VPS37A: variants seen among roughly 807,000 people sequenced by gnomAD.
VPS37A encodes the protein vacuolar protein sorting-associated protein 37A.
In VPS37A, 30 loss-of-function variants were observed where a neutral mutation model predicts 49.8. That is an observed-to-expected ratio of 0.60 (90% CI 0.45 to 0.82). VPS37A has a LOEUF of 0.82. Among genes scored for constraint, VPS37A ranks in the 40% least tolerant of loss-of-function variants. The pLI is 0.00. For missense variants in VPS37A, 593 were observed against 464.4 expected (o/e 1.28, Z -2.55); for synonymous variants, 195 against 160.6 (o/e 1.21, Z -1.62).
intron 11 of VPS37A, among the ~76,000 whole-genome samples, chr8:17,292,334 A>G (rs1238937435): frequency 6.6e-6 from 1 of 151,894 alleles, no homozygotes; most frequent in Non-Finnish European, 1.5e-5. Context: ...ATCTTCCTCC[A>G]TCCCTTTATT....
chr8:17,250,246 A>G (rs1811848229), intron 1 of VPS37A, among the ~76,000 whole-genome samples: 1 of 152,158 alleles, frequency 6.6e-6, no homozygotes, highest in South Asian at 2.1e-4. Context: ...CCTTTAATTC[A>G]AAGTAATCAG....
chr8:17,300,437 C>T (rs2150455819), downstream of VPS37A, among the ~76,000 whole-genome samples: 1 of 152,288 alleles, frequency 6.6e-6, no homozygotes, highest in Admixed American at 6.5e-5. Context: ...CCTGCCTTGA[C>T]ATAGGTTTTC....
At chr8:17,269,090 C>T in intron 4 of VPS37A, 134 bp downstream of exon 4, 1 of 621,398 alleles carries the variant, frequency 1.6e-6, no homozygotes. Flanking sequence ...TCCATACTTT[C>T]AGAGGCAACT....
At chr8:17,277,543 A>C (rs950520075) in intron 6 of VPS37A, among the ~76,000 whole-genome samples, 1 of 152,152 alleles carries the variant, frequency 6.6e-6, no homozygotes, top group Admixed American at 6.5e-5. Context: ...GGCTGTAGGT[A>C]TGAGTCACCA....
chr8:17,276,667 A>G (rs910194051), intron 6 of VPS37A, among the ~76,000 whole-genome samples, 200 bp downstream of exon 6: 3 of 152,098 alleles, frequency 2.0e-5, no homozygotes, highest in Non-Finnish European at 4.4e-5. Flanking sequence ...ATACTCAGGG[A>G]TTTTTATAGG....
At chr8:17,323,824 G>A in the VPS37A span, among the ~76,000 whole-genome samples, 1 of 152,134 alleles carries the variant, frequency 6.6e-6, no homozygotes, top group Non-Finnish European at 1.5e-5. Context: ...ACTGTCTTGA[G>A]TTTGATGGGC....
intron 5 of VPS37A, among the ~76,000 whole-genome samples, chr8:17,276,082 A>G (rs1814484157): frequency 6.6e-6 from 1 of 152,142 alleles, no homozygotes. Context: ...CTTTCACTTG[A>G]GAGAAACATA....
At chr8:17,311,831 C>A in the VPS37A span, 1 of 739,214 alleles carries the variant, frequency 1.4e-6, no homozygotes, top group Non-Finnish European at 2.2e-6. Context: ...AAAGCTTTCC[C>A]TTCCCATTCT....
chr8:17,301,854 C>G (rs996938143), downstream of VPS37A: 2 of 404,712 alleles, frequency 4.9e-6, no homozygotes, highest in African/African-American at 4.1e-5. Flanking sequence ...TTCACACTTT[C>G]CAGAAAAAAA....
downstream of VPS37A, among the ~76,000 whole-genome samples, chr8:17,304,105 C>G (rs1170934328): frequency 6.6e-6 from 1 of 152,142 alleles, no homozygotes; most frequent in African/African-American, 2.4e-5. Flanking sequence ...CTTTCATTTG[C>G]TTTTAAAAAA....
At chr8:17,290,999 C>A (rs556977089) in intron 11 of VPS37A, among the ~76,000 whole-genome samples, 2 of 152,012 alleles carry the variant, frequency 1.3e-5, no homozygotes, top group South Asian at 4.2e-4. Flanking sequence ...TCTGTGGGAT[C>A]GGTGGTGATC....
intron 11 of VPS37A, among the ~76,000 whole-genome samples, chr8:17,294,419 C>T (rs766768237): frequency 1.1e-4 from 16 of 152,146 alleles, no homozygotes; most frequent in Non-Finnish European, 2.1e-4. Context: ...TGAGCAAGAC[C>T]ATTTGGCTCC....
chr8:17,323,469 G>A, the VPS37A span, among the ~76,000 whole-genome samples: 3 of 152,100 alleles, frequency 2.0e-5, no homozygotes, highest in Admixed American at 2.0e-4. Flanking sequence ...GGAACTCCAA[G>A]CAAATGGCAC....
chr8:17,260,114 G>A (rs1812836243), intron 1 of VPS37A, among the ~76,000 whole-genome samples: 1 of 151,914 alleles, frequency 6.6e-6, no homozygotes, highest in African/African-American at 2.4e-5. Flanking sequence ...TTGTTTTCTG[G>A]TTGTTCTTAA....
downstream of VPS37A, among the ~76,000 whole-genome samples, chr8:17,307,393 C>T (rs1395834108): frequency 6.6e-6 from 1 of 152,136 alleles, no homozygotes; most frequent in Admixed American, 6.5e-5. Context: ...ACAACAGGTG[C>T]TGGAGAGGAT....
downstream of VPS37A, among the ~76,000 whole-genome samples, chr8:17,302,597 T>G (rs1004277330): frequency 1.3e-5 from 2 of 151,242 alleles, no homozygotes; most frequent in Non-Finnish European, 2.9e-5. Context: ...GTTTTGAACT[T>G]TGAAATTGTA....
At chr8:17,322,089 A>G in the VPS37A span, among the ~76,000 whole-genome samples, 1 of 151,840 alleles carries the variant, frequency 6.6e-6, no homozygotes, top group Admixed American at 6.6e-5. Context: ...TGAAACATAT[A>G]CAGCCCTCCC....
At chr8:17,312,307 G>A in the VPS37A span, among the ~76,000 whole-genome samples, 66 of 152,258 alleles carry the variant, frequency 4.3e-4, no homozygotes, top group African/African-American at 1.5e-3. Flanking sequence ...GGAGGCAGTG[G>A]CTCACGCATG....
intron 5 of VPS37A, 68 bp downstream of exon 5, chr8:17,275,026 C>A: frequency 7.1e-7 from 1 of 1,408,326 alleles, no homozygotes; most frequent in South Asian, 1.2e-5. Context: ...ACCTTTATTA[C>A]ATGCCTCTGT....
Sources: allele counts gnomAD v4.1 joint callset (sites outside exome capture counted in the v4.1 genomes callset), GRCh38; gene constraint gnomAD v4.1.1; transcripts MANE v1.5; gene names NCBI Gene and HGNC (gene_info 2026-07-23, HGNC 2026-07-21).